SGCZ: variants seen among roughly 807,000 people sequenced by gnomAD.
SGCZ encodes the protein sarcoglycan zeta.
Under a neutral mutation model 41.3 loss-of-function variants are expected in SGCZ, and 40 were observed. The ratio of observed to expected loss-of-function variants is 0.97; its 90% CI spans 0.75 to 1.26. The LOEUF (loss-of-function observed/expected upper bound fraction) is 1.26. SGCZ is among the 50% of genes most tolerant of loss of function. The probability of loss-of-function intolerance (pLI) is 0.00; values close to 1 mark genes in which losing one functional copy is unlikely to be tolerated. For missense variants in SGCZ, 552 were observed against 369.8 expected (o/e 1.49, Z -4.04); for synonymous variants, 206 against 137.5 (o/e 1.50, Z -3.49).
At chr8:14,945,997 A>C (rs1800428259) in intron 1 of SGCZ, among the ~76,000 whole-genome samples, 1 of 85,950 alleles carries the variant, frequency 1.2e-5, no homozygotes, top group African/African-American at 4.7e-5. Flanking sequence ...TCCCCTACTA[A>C]ATGTCCCCAT....
At chr8:14,690,113 CTTTT>C (rs34143581) in intron 1 of SGCZ, among the ~76,000 whole-genome samples, 1 of 137,240 alleles carries the variant, frequency 7.3e-6, no homozygotes. Context: ...AGTGTTGTCT[CTTTT>C]TTTTTTTTTT....
At chr8:15,014,494 A>T (rs561300031) in intron 1 of SGCZ, among the ~76,000 whole-genome samples, 1 of 152,272 alleles carries the variant, frequency 6.6e-6, no homozygotes, top group African/African-American at 2.4e-5. Context: ...TTATACCTTC[A>T]CTTATTGCTA....
At chr8:14,349,314 A>C (rs368601886) in intron 2 of SGCZ, among the ~76,000 whole-genome samples, 1 of 152,126 alleles carries the variant, frequency 6.6e-6, no homozygotes, top group East Asian at 1.9e-4. Context: ...TAAAATGAGA[A>C]ACTTCTTTAA....
chr8:14,275,474 T>A (rs564709389), intron 3 of SGCZ, among the ~76,000 whole-genome samples: 1 of 152,270 alleles, frequency 6.6e-6, no homozygotes, highest in Admixed American at 6.5e-5. Context: ...TGTCTTCATG[T>A]GTCAAAGGGA....
chr8:14,219,967 C>A (rs1275057344), intron 4 of SGCZ, among the ~76,000 whole-genome samples: 1 of 152,162 alleles, frequency 6.6e-6, no homozygotes, highest in East Asian at 1.9e-4. Context: ...AACTTTATTT[C>A]TCATTGACAA....
At chr8:14,718,851 ATATT>A (rs1486766294) in intron 1 of SGCZ, among the ~76,000 whole-genome samples, 3 of 141,248 alleles carry the variant, frequency 2.1e-5, no homozygotes, top group African/African-American at 8.3e-5. Context: ...ATATATATAT[ATATT>A]TTTATTATTA....
chr8:15,040,347 G>C (rs1353806874), intron 1 of SGCZ, among the ~76,000 whole-genome samples: 1 of 152,152 alleles, frequency 6.6e-6, no homozygotes, highest in African/African-American at 2.4e-5. Context: ...CCGCGAGGTG[G>C]CTCACGCCTG....
intron 5 of SGCZ, among the ~76,000 whole-genome samples, chr8:14,131,059 A>C (rs1206427442): frequency 6.6e-6 from 1 of 152,170 alleles, no homozygotes; most frequent in African/African-American, 2.4e-5. Flanking sequence ...ATCTGTTTGG[A>C]ACGCTGTCCC....
At position 14,803,544 on chromosome 8, in the gene SGCZ, G is replaced by A. The variant is rs977895117; in HGVS notation, c.40-248618C>T. Among the ~76,000 whole-genome samples the A allele has an allele frequency of 3.3e-4, 51 of 152,292 alleles. 1 individual carries two copies. The highest frequency in any genetic ancestry group is 1.2e-3 in the Admixed American group (18 of 15,300). ...ATGGGCTTAAAAAACGGCGCACCAC[G>A]AGATTATATCCCGCACCCGGCTCAG... On this transcript the variant is annotated intron_variant, in intron 1 of 7. Transcript: ENST00000382080.
At chr8:14,827,526 C>T (rs55888090) in intron 1 of SGCZ, among the ~76,000 whole-genome samples, 1 of 152,054 alleles carries the variant, frequency 6.6e-6, no homozygotes, top group Admixed American at 6.6e-5. Flanking sequence ...TTCTAATGTC[C>T]CATTTGCCAA....
chr8:14,839,455 G>T (rs4262322), intron 1 of SGCZ, among the ~76,000 whole-genome samples: 29,487 of 152,082 alleles, frequency 0.19, 3,188 homozygotes, highest in Admixed American at 0.3. Flanking sequence ...TATGTCTGGA[G>T]TTCAGGAGAA....
intron 1 of SGCZ, among the ~76,000 whole-genome samples, chr8:14,733,318 A>T (rs1202327882): frequency 6.6e-6 from 1 of 152,154 alleles, no homozygotes; most frequent in Non-Finnish European, 1.5e-5. Flanking sequence ...TTTCCATGGA[A>T]CAACAATTGA....
chr8:14,382,384 A>G (rs1804399999), intron 2 of SGCZ, among the ~76,000 whole-genome samples: 1 of 152,118 alleles, frequency 6.6e-6, no homozygotes, highest in Admixed American at 6.5e-5. Context: ...TCAGAAATAT[A>G]CAGACCTGTC....
In SGCZ at chr8:14,426,518, T is replaced by A. The variant is rs188823635; in HGVS notation, c.235-102314A>T. ...AGCAAGCAGAAAACACATAAAAGTGTCAGTTATGACCAGGAGAGAAATGAC... is the reference window on the plus strand; with the variant it reads ...AGCAAGCAGAAAACACATAAAAGTGACAGTTATGACCAGGAGAGAAATGAC... On this transcript the variant is annotated intron_variant, in intron 2 of 7. Transcript: ENST00000382080. Among the ~76,000 whole-genome samples the A allele has an allele frequency of 8.7e-3, 1,281 of 147,014 alleles. 14 individuals carry two copies. Among genetic ancestry groups the A allele is most frequent in the Non-Finnish European group, 0.013 (890 of 67,976 alleles).
chr8:14,619,693 T>C (rs1174088880), intron 1 of SGCZ, among the ~76,000 whole-genome samples: 1 of 152,098 alleles, frequency 6.6e-6, no homozygotes, highest in Non-Finnish European at 1.5e-5. Context: ...CATTCACAAT[T>C]GCTTCAAAGA....
At chr8:15,109,653 G>A (rs1190340019) in intron 1 of SGCZ, among the ~76,000 whole-genome samples, 1 of 152,032 alleles carries the variant, frequency 6.6e-6, no homozygotes, top group Non-Finnish European at 1.5e-5. Flanking sequence ...CAGAAATTAT[G>A]GGCAAACTCC....
intron 4 of SGCZ, among the ~76,000 whole-genome samples, chr8:14,222,318 CA>C (rs1237411288): frequency 1.3e-5 from 2 of 151,844 alleles, no homozygotes; most frequent in African/African-American, 4.8e-5. Flanking sequence ...TACAGGCACC[CA>C]CCACCATACC....
intron 1 of SGCZ, among the ~76,000 whole-genome samples, chr8:15,025,933 T>C (rs1024211816): frequency 1.3e-5 from 2 of 152,316 alleles, no homozygotes; most frequent in South Asian, 2.1e-4. Flanking sequence ...ATATAAACTT[T>C]ACCTGTTGTT....
At chr8:15,144,368 CATAT>C in intron 1 of SGCZ, among the ~76,000 whole-genome samples, 1 of 152,260 alleles carries the variant, frequency 6.6e-6, no homozygotes, top group Admixed American at 6.5e-5. Context: ...ATTATTGTTG[CATAT>C]CCTCAAATAT....
Sources: gnomAD v4.1 joint callset for allele counts (sites outside exome capture counted in the v4.1 genomes callset) on GRCh38, gnomAD v4.1.1 for gene constraint, MANE v1.5 for transcripts, NCBI Gene and HGNC (gene_info 2026-07-23, HGNC 2026-07-21) for gene names.